STXBP5L: variants seen among roughly 807,000 people sequenced by gnomAD.
STXBP5L encodes syntaxin binding protein 5L.
In STXBP5L, 65 loss-of-function variants were observed where a neutral mutation model predicts 144.5. The ratio of observed to expected loss-of-function variants is 0.45; its 90% CI spans 0.37 to 0.55. STXBP5L has a LOEUF of 0.55. Ranked by LOEUF, STXBP5L falls within the 20% of genes least tolerant of loss-of-function variation. The probability of loss-of-function intolerance (pLI) is 0.00; values close to 1 mark genes in which losing one functional copy is unlikely to be tolerated. For synonymous variants in STXBP5L, 505 were observed against 469.6 expected, an observed-to-expected ratio of 1.08 and a Z score of -0.97; for missense variants, 1,298 against 1,405.5, an observed-to-expected ratio of 0.92 and a Z score of 1.22.
intron 20 of STXBP5L, chr3:121,324,460 C>T (rs1421294155): frequency 9.0e-6 from 6 of 664,948 alleles, no homozygotes; most frequent in Admixed American, 2.6e-5. Flanking sequence ...CTAAGGTACT[C>T]CATGCCAATA....
chr3:121,124,859 C>T (rs570830949), intron 7 of STXBP5L, among the ~76,000 whole-genome samples: 11 of 152,098 alleles, frequency 7.2e-5, no homozygotes, highest in African/African-American at 1.7e-4. Flanking sequence ...AATGCCTCCA[C>T]GATTTCAGCA....
chr3:121,407,240 T>C lies in STXBP5L; in HGVS notation c.2588-3T>C, dbSNP rs1222367799. ...TGTCAGTGATGTCCAATTGTTTTTA[T>C]AGGTACATTCCTCTCATTGAAAGGA... On this transcript the variant is annotated splice_polypyrimidine_tract_variant and splice_region_variant and intron_variant, in intron 22 of 26. Transcript: ENST00000471454. 1 of 1,539,374 alleles carries C rather than the reference T, an allele frequency of 6.5e-7. No individual in the cohort carries two copies. The highest frequency in any genetic ancestry group is 8.7e-7 in the Non-Finnish European group (1 of 1,147,236).
chr3:121,357,135 A>G (rs761230582), intron 20 of STXBP5L: 2 of 170,424 alleles, frequency 1.2e-5, no homozygotes, highest in Admixed American at 6.4e-5. Flanking sequence ...CATAAACTCC[A>G]GAAGCACAAT....
At chr3:120,948,151 T>C (rs530693444) in intron 2 of STXBP5L, among the ~76,000 whole-genome samples, 1 of 151,848 alleles carries the variant, frequency 6.6e-6, no homozygotes, top group South Asian at 2.1e-4. Context: ...TCCTAGTGGG[T>C]GCACAGTTGT....
At chr3:121,416,306 A>G (rs2108755061) in intron 25 of STXBP5L, among the ~76,000 whole-genome samples, 1 of 151,772 alleles carries the variant, frequency 6.6e-6, no homozygotes, top group Admixed American at 6.6e-5. Context: ...TGGAAAAAAG[A>G]TTTTTGAATC....
chr3:121,006,882 C>G (rs1350749637), intron 3 of STXBP5L, among the ~76,000 whole-genome samples: 1 of 152,170 alleles, frequency 6.6e-6, no homozygotes, highest in African/African-American at 2.4e-5. Context: ...TTGGCCCCCA[C>G]TCTCTTCTGG....
At chr3:121,087,625 C>A (rs192427913) in intron 5 of STXBP5L, among the ~76,000 whole-genome samples, 1 of 152,014 alleles carries the variant, frequency 6.6e-6, no homozygotes, top group African/African-American at 2.4e-5. Flanking sequence ...TTAATTCATT[C>A]TGTCAGTCTA....
intron 9 of STXBP5L, 27 bp downstream of exon 9, chr3:121,157,654 A>G: frequency 5.1e-6 from 8 of 1,580,792 alleles, no homozygotes; most frequent in Non-Finnish European, 6.8e-6. Flanking sequence ...CAAAAGGAAT[A>G]AACACTGGCA....
At chr3:121,140,227 T>C (rs1428105301) in intron 7 of STXBP5L, among the ~76,000 whole-genome samples, 1 of 152,006 alleles carries the variant, frequency 6.6e-6, no homozygotes, top group Non-Finnish European at 1.5e-5. Context: ...CTCACCTCAT[T>C]TAGAATTGCC....
intron 3 of STXBP5L, among the ~76,000 whole-genome samples, chr3:121,014,494 A>G (rs772519085): frequency 2.6e-4 from 39 of 152,152 alleles, no homozygotes; most frequent in Admixed American, 4.6e-4. Context: ...TCAGTAGTTC[A>G]TGACTTATTA....
At chr3:121,027,459 G>A (rs369053422) in intron 3 of STXBP5L, among the ~76,000 whole-genome samples, 3 of 152,058 alleles carry the variant, frequency 2.0e-5, no homozygotes, top group Non-Finnish European at 4.4e-5. Context: ...ATATCAATGT[G>A]TTGGAAGAGC....
intron 3 of STXBP5L, among the ~76,000 whole-genome samples, chr3:121,007,362 G>T (rs1389926925): frequency 6.6e-6 from 1 of 151,678 alleles, no homozygotes; most frequent in African/African-American, 2.4e-5. Flanking sequence ...AATAGTTTTG[G>T]CTGGTGTAGT....
chr3:121,036,075 T>C (rs1034390159), intron 3 of STXBP5L, among the ~76,000 whole-genome samples: 1 of 152,162 alleles, frequency 6.6e-6, no homozygotes, highest in African/African-American at 2.4e-5. Flanking sequence ...GGCTCACAAC[T>C]GTAATCCAGC....
intron 3 of STXBP5L, among the ~76,000 whole-genome samples, chr3:121,035,638 G>A (rs1946695866): frequency 6.6e-6 from 1 of 152,112 alleles, no homozygotes; most frequent in Non-Finnish European, 1.5e-5. Flanking sequence ...GCTGGGCAAT[G>A]TTATGTCTTC....
At chr3:120,981,432 C>G (rs759705523) in intron 3 of STXBP5L, among the ~76,000 whole-genome samples, 7 of 152,078 alleles carry the variant, frequency 4.6e-5, no homozygotes, top group African/African-American at 1.2e-4. Context: ...TTAAAAAGCT[C>G]TGTTTTCTAG....
rs555804684 is a variant in STXBP5L at position 121,041,892 on chromosome 3, G to A, written c.369+111G>A. On this transcript the variant is annotated intron_variant, in intron 4 of 26. Coordinates refer to ENST00000471454, the MANE Select transcript of STXBP5L (RefSeq NM_001308330.2). ...TCTAAATGCTTAAATATATATGCAT[G>A]CAATATTACTTCTGATTATATTTTT... is the stretch of plus-strand genomic sequence containing the variant. 4 of 664,730 alleles carry A rather than the reference G, an allele frequency of 6.0e-6. No homozygotes were observed. The Admixed American group carries it at 9.8e-5, about 16-fold the overall frequency. 41.2% of individuals were successfully genotyped at this position (664,730 alleles called of 1,614,324 possible). A position where few individuals can be genotyped will look rare whatever the true frequency, so the allele number is the denominator to read the frequency against.
intron 20 of STXBP5L, among the ~76,000 whole-genome samples, chr3:121,374,203 T>C (rs2046116405): frequency 6.6e-6 from 1 of 152,098 alleles, no homozygotes. Context: ...CCAATACTGA[T>C]TACAGCCAAA....
At chr3:120,988,775 A>C (rs922921591) in intron 3 of STXBP5L, among the ~76,000 whole-genome samples, 2 of 152,142 alleles carry the variant, frequency 1.3e-5, no homozygotes, top group Non-Finnish European at 2.9e-5. Context: ...AATAGTGTCC[A>C]TTGTACCCAC....
At chr3:121,308,207 G>A (rs943732270) in intron 19 of STXBP5L, among the ~76,000 whole-genome samples, 4 of 152,124 alleles carry the variant, frequency 2.6e-5, no homozygotes, top group Admixed American at 6.6e-5. Flanking sequence ...CGTGGCAAAC[G>A]TTTACCTATG....
Sources: allele counts gnomAD v4.1 joint callset (sites outside exome capture counted in the v4.1 genomes callset), GRCh38; gene constraint gnomAD v4.1.1; transcripts MANE v1.5; gene names NCBI Gene and HGNC (gene_info 2026-07-23, HGNC 2026-07-21).